The following LRFN5 variants were observed in gnomAD, a reference collection of about 807,000 sequenced individuals.
LRFN5 encodes the protein leucine-rich repeat and fibronectin type-III domain-containing protein 5.
Under a neutral mutation model 45.6 loss-of-function variants are expected in LRFN5, and 24 were observed. The observed-to-expected ratio is 0.53, with a 90% CI of 0.38 to 0.74. The LOEUF is 0.74. Among genes scored for constraint, LRFN5 ranks in the 30% least tolerant of loss-of-function variants. The pLI is 0.00. For synonymous variants in LRFN5, 340 were observed against 313.8 expected, an observed-to-expected ratio of 1.08 and a Z score of -0.88; for missense variants, 776 against 861.5, an observed-to-expected ratio of 0.90 and a Z score of 1.24.
At chr14:41,630,639 A>G (rs1237724178) in intron 1 of LRFN5, among the ~76,000 whole-genome samples, 1 of 152,094 alleles carries the variant, frequency 6.6e-6, no homozygotes, top group Non-Finnish European at 1.5e-5. Context: ...GCTATTTTGC[A>G]CTATATACTT....
intron 1 of LRFN5, among the ~76,000 whole-genome samples, chr14:41,735,037 C>T (rs1386279613): frequency 1.3e-5 from 2 of 151,934 alleles, no homozygotes; most frequent in Non-Finnish European, 2.9e-5. Context: ...TTCTTTAAAC[C>T]ATCATCGTAA....
chr14:41,876,174 C>T (rs566857337), intron 2 of LRFN5, among the ~76,000 whole-genome samples: 3 of 151,818 alleles, frequency 2.0e-5, no homozygotes, highest in Non-Finnish European at 4.4e-5. Context: ...GAGAAGAATG[C>T]GTAATATAAT....
intron 2 of LRFN5, among the ~76,000 whole-genome samples, chr14:41,878,505 G>A (rs888467918): frequency 2.6e-5 from 4 of 152,086 alleles, no homozygotes; most frequent in Non-Finnish European, 4.4e-5. Context: ...TTATGTAATA[G>A]CCGTGACAGA....
At chr14:41,625,536 T>A (rs1888299177) in intron 1 of LRFN5, among the ~76,000 whole-genome samples, 1 of 152,142 alleles carries the variant, frequency 6.6e-6, no homozygotes, top group African/African-American at 2.4e-5. Context: ...TGAGAATGGA[T>A]GAATACAAAC....
At chr14:41,876,657 G>T (rs1890200840) in intron 2 of LRFN5, among the ~76,000 whole-genome samples, 1 of 151,880 alleles carries the variant, frequency 6.6e-6, no homozygotes, top group South Asian at 2.1e-4. Context: ...GCACTAATCA[G>T]AGTCTCACAA....
intron 5 of LRFN5, among the ~76,000 whole-genome samples, chr14:41,900,262 G>A (rs1026936240): frequency 1.2e-4 from 18 of 151,996 alleles, no homozygotes; most frequent in Admixed American, 2.6e-4. Flanking sequence ...GGAAGCAGGC[G>A]AGTAAATGTC....
rs902179935 is a variant in LRFN5, at chr14:41,757,802, C to T, written c.-196-9052C>T. Among the ~76,000 whole-genome samples the T allele has an allele frequency of 5.3e-5, 8 of 152,258 alleles. No individual in the cohort carries two copies. In the East Asian group the frequency reaches 5.8e-4, roughly 11 times the overall value. ...CTGACACTCCCCAGTGAGATGAACC[C>T]GGTACCTCAGTTGGAAATGCAGAAA... On this transcript the variant is annotated intron_variant, in intron 1 of 5. Transcript: ENST00000298119.
Position 41,818,970 on chromosome 14 carries a change from C to G in LRFN5, c.-21+51941C>G, listed in dbSNP as rs576990075. Among the ~76,000 whole-genome samples, 19 of 152,244 alleles carry G rather than the reference C, an allele frequency of 1.2e-4. No homozygotes were observed. In the South Asian group the frequency reaches 3.7e-3, roughly 30 times the overall value. On this transcript the variant is annotated intron_variant, in intron 2 of 5. Transcript: ENST00000298119. ...ATGAGCACACATTATTTAGCTCCAA[C>G]TTTTAAGTGAGAATATGTGGTACTT...
At chr14:41,674,949 C>T (rs566860131) in intron 1 of LRFN5, among the ~76,000 whole-genome samples, 6 of 148,950 alleles carry the variant, frequency 4.0e-5, no homozygotes, top group South Asian at 2.2e-4. Flanking sequence ...TAGAGGCGCT[C>T]CTCACATCCC....
intron 2 of LRFN5, among the ~76,000 whole-genome samples, chr14:41,800,943 TA>T (rs1393521608): frequency 6.6e-6 from 1 of 152,048 alleles, no homozygotes; most frequent in African/African-American, 2.4e-5. Flanking sequence ...ATGAGTCAGA[TA>T]AAAAGACTGG....
intron 1 of LRFN5, among the ~76,000 whole-genome samples, chr14:41,765,030 T>C (rs939461495): frequency 5.3e-5 from 8 of 152,074 alleles, no homozygotes; most frequent in Admixed American, 2.0e-4. Context: ...AAATGGAATG[T>C]TTTTCAAGAC....
intron 2 of LRFN5, among the ~76,000 whole-genome samples, chr14:41,823,208 C>T (rs904098929): frequency 1.3e-5 from 2 of 151,772 alleles, no homozygotes; most frequent in Non-Finnish European, 2.9e-5. Flanking sequence ...GTACTGTATA[C>T]GTGTATGTGC....
intron 2 of LRFN5, among the ~76,000 whole-genome samples, chr14:41,830,472 A>G (rs1395225047): frequency 6.6e-6 from 1 of 152,150 alleles, no homozygotes; most frequent in Non-Finnish European, 1.5e-5. Context: ...TGATATATTG[A>G]ATATTGTGAA....
chr14:41,657,522 G>A (rs1880435905), intron 1 of LRFN5, among the ~76,000 whole-genome samples: 1 of 151,904 alleles, frequency 6.6e-6, no homozygotes, highest in South Asian at 2.1e-4. Context: ...TATTGCATTT[G>A]ATAGGAAGCT....
chr14:41,620,998 G>A (rs1007158966), intron 1 of LRFN5, among the ~76,000 whole-genome samples: 3 of 151,942 alleles, frequency 2.0e-5, no homozygotes. Flanking sequence ...ATTTTGGAAT[G>A]TGGCCATAAA....
intron 2 of LRFN5, among the ~76,000 whole-genome samples, chr14:41,776,125 A>C (rs1229481113): frequency 1.3e-5 from 2 of 152,166 alleles, no homozygotes; most frequent in African/African-American, 2.4e-5. Context: ...CATACATGTT[A>C]CTCTTTTGAA....
At chr14:41,623,301 G>A (rs1428825028) in intron 1 of LRFN5, among the ~76,000 whole-genome samples, 2 of 152,200 alleles carry the variant, frequency 1.3e-5, no homozygotes, top group South Asian at 4.1e-4. Context: ...GCCACCTTGT[G>A]AAGCGGCTGC....
At chr14:41,712,939 T>A (rs1883346921) in intron 1 of LRFN5, among the ~76,000 whole-genome samples, 1 of 151,814 alleles carries the variant, frequency 6.6e-6, no homozygotes, top group Admixed American at 6.6e-5. Flanking sequence ...TTATTTTCCA[T>A]GAAAAATAAA....
At chr14:41,694,398 A>T (rs1882510103) in intron 1 of LRFN5, among the ~76,000 whole-genome samples, 1 of 151,288 alleles carries the variant, frequency 6.6e-6, no homozygotes, top group Non-Finnish European at 1.5e-5. Context: ...TATGAATCCT[A>T]CTCTTTTTGA....
Sources: gnomAD v4.1 joint callset for allele counts (sites outside exome capture counted in the v4.1 genomes callset) on GRCh38, gnomAD v4.1.1 for gene constraint, MANE v1.5 for transcripts, NCBI Gene and HGNC (gene_info 2026-07-23, HGNC 2026-07-21) for gene names.